Variants in CACNA1B observed in about 807,000 individuals in gnomAD.
CACNA1B encodes calcium voltage-gated channel subunit alpha1 B.
Under a neutral mutation model 247.2 loss-of-function variants are expected in CACNA1B, and 70 were observed. That is an observed-to-expected ratio of 0.28 (90% CI 0.23 to 0.35). The LOEUF (loss-of-function observed/expected upper bound fraction) is 0.35. Among genes scored for constraint, CACNA1B ranks in the 10% least tolerant of loss-of-function variants. The pLI is 1.00. For synonymous variants in CACNA1B, 1,231 were observed against 1,294.4 expected, an observed-to-expected ratio of 0.95 and a Z score of 1.05; for missense variants, 2,367 against 3,197.4, an observed-to-expected ratio of 0.74 and a Z score of 6.26.
chr9:138,069,990 G>C (rs923067803), intron 32 of CACNA1B, among the ~76,000 whole-genome samples: 2 of 152,208 alleles, frequency 1.3e-5, no homozygotes, highest in African/African-American at 2.4e-5. Flanking sequence ...GGAACTGGCC[G>C]TGGGCAGGGC....
At chr9:138,022,966 G>A (rs1205497124) in intron 18 of CACNA1B, 45 bp from the exon 19 acceptor site, 2 of 1,450,524 alleles carry the variant, frequency 1.4e-6, no homozygotes, top group Non-Finnish European at 1.8e-6. Context: ...GAGAGCGGCG[G>A]GCGGGCGGCA....
intron 8 of CACNA1B, 72 bp from the exon 9 acceptor site, chr9:137,956,697 CAG>C (rs1156798617): frequency 2.5e-6 from 3 of 1,221,536 alleles, no homozygotes; most frequent in African/African-American, 1.5e-5. Context: ...GCCTTCCAGA[CAG>C]AGATGTGCCT....
At chr9:137,934,471 G>A (rs1229015416) in intron 6 of CACNA1B, among the ~76,000 whole-genome samples, 2 of 152,248 alleles carry the variant, frequency 1.3e-5, no homozygotes, top group African/African-American at 4.8e-5. Context: ...AGAGCAGCCT[G>A]TGGAGGATTG....
Position 137,882,553 on chromosome 9 carries a change from C to A in CACNA1B, c.391-191C>A, listed in dbSNP as rs1956939020. Among the ~76,000 whole-genome samples, 1 of 152,158 alleles carries A rather than the reference C, an allele frequency of 6.6e-6. No individual in the cohort carries two copies. Among genetic ancestry groups the A allele is most frequent in the Admixed American group, 6.5e-5 (1 of 15,284 alleles). On this transcript the variant is annotated intron_variant, in intron 2 of 46. Transcript: ENST00000371372. The surrounding 1 kb of genome is among the most constrained non-coding windows in gnomAD (Gnocchi z 4.0). Reference sequence around the variant, plus strand: ...GTCCCCATTAGGGGACATGTGCAGACAGCAAGCAGGCTCAGTGATGGGAAT... The same window carrying A: ...GTCCCCATTAGGGGACATGTGCAGAAAGCAAGCAGGCTCAGTGATGGGAAT...
intron 20 of CACNA1B, among the ~76,000 whole-genome samples, chr9:138,042,405 G>A (rs887462959): frequency 6.6e-6 from 1 of 152,108 alleles, no homozygotes; most frequent in Non-Finnish European, 1.5e-5. Flanking sequence ...TGGTACCACT[G>A]TACTTCAGCC....
At position 137,955,604 on chromosome 9, in the gene CACNA1B, T is replaced by C; in HGVS notation, c.1071-94T>C. The C allele has an allele frequency of 1.2e-6, 1 of 821,826 alleles. No individual in the cohort carries two copies. The highest frequency in any genetic ancestry group is 2.0e-6 in the Non-Finnish European group (1 of 509,382). 50.9% of individuals were successfully genotyped at this position (821,826 alleles called of 1,614,324 possible). On this transcript the variant is annotated intron_variant, in intron 7 of 46. Coordinates refer to ENST00000371372, the MANE Select transcript of CACNA1B (RefSeq NM_000718.4). The surrounding 1 kb of genome is among the most constrained non-coding windows in gnomAD (Gnocchi z 6.9). ...AGCAGCCTGCAGCCTGCGTCTCCTG[T>C]CCCAGGCTTTCCCTGGTCCTTTTTG...
At chr9:138,056,421 T>TA (rs1281332194) in intron 26 of CACNA1B, among the ~76,000 whole-genome samples, 2 of 152,254 alleles carry the variant, frequency 1.3e-5, no homozygotes, top group Non-Finnish European at 2.9e-5. Context: ...TGTTCCTTGT[T>TA]ACGGCTGAAT....
At chr9:137,894,683 C>T (rs1310843828) in intron 3 of CACNA1B, among the ~76,000 whole-genome samples, 1 of 152,194 alleles carries the variant, frequency 6.6e-6, no homozygotes, top group Non-Finnish European at 1.5e-5. Flanking sequence ...GCTGGGATTA[C>T]AGGCATGAGC....
In CACNA1B at chr9:137,880,721, C is replaced by A. The variant is rs1396977903; in HGVS notation, c.390+1562C>A. ...GCCTAGAGGTCTGGGGAGCTCTTGACCAGTCCCAGTCCCATGTGCAGGCCC... is the reference window on the plus strand; with the variant it reads ...GCCTAGAGGTCTGGGGAGCTCTTGAACAGTCCCAGTCCCATGTGCAGGCCC... On this transcript the variant is annotated intron_variant, in intron 2 of 46. Coordinates refer to ENST00000371372, the MANE Select transcript of CACNA1B (RefSeq NM_000718.4). This position sits in a 1 kb window ranked among gnomAD's most constrained non-coding sequence, Gnocchi z 4.8. Among the ~76,000 whole-genome samples the A allele has an allele frequency of 6.6e-6, 1 of 152,168 alleles. No individual in the cohort carries two copies. The highest frequency in any genetic ancestry group is 1.5e-5 in the Non-Finnish European group (1 of 68,012).
At chr9:137,929,953 TAA>T (rs1401902570) in intron 6 of CACNA1B, among the ~76,000 whole-genome samples, 1 of 152,140 alleles carries the variant, frequency 6.6e-6, no homozygotes, top group African/African-American at 2.4e-5. Flanking sequence ...CATGCCTGGC[TAA>T]GTTTTTAAAA....
In CACNA1B at chr9:137,954,856, T is replaced by TTGTGTGTGTGTG. The variant is rs150496046; in HGVS notation, c.1071-829_1071-818dup. On this transcript the variant is annotated intron_variant, in intron 7 of 46. Coordinates refer to ENST00000371372, the MANE Select transcript of CACNA1B (RefSeq NM_000718.4). The surrounding 1 kb of genome is among the most constrained non-coding windows in gnomAD (Gnocchi z 4.1). ...ACACCCACTCCACCAACTCAGAAGC[T>TTGTGTGTGTGTG]TGTGTGTGTGTGTGTGTGTGTGTGA... Among the ~76,000 whole-genome samples the TTGTGTGTGTGTG allele has an allele frequency of 0.015, 1,795 of 120,832 alleles. 34 individuals are homozygous for TTGTGTGTGTGTG. Among genetic ancestry groups the TTGTGTGTGTGTG allele is most frequent in the African/African-American group, 0.043 (1,079 of 25,276 alleles). 79.3% of individuals were successfully genotyped at this position (120,832 alleles called of 152,430 possible).
chr9:137,880,980 C>G lies in CACNA1B; in HGVS notation c.391-1764C>G, dbSNP rs961932266. 6.6e-6 allele frequency among the ~76,000 whole-genome samples: 1 copy of G among 152,218 alleles called. No individual in the cohort carries two copies. The highest frequency in any genetic ancestry group is 2.4e-5 in the African/African-American group (1 of 41,466). On this transcript the variant is annotated intron_variant, in intron 2 of 46. Coordinates refer to ENST00000371372, the MANE Select transcript of CACNA1B (RefSeq NM_000718.4). This position sits in a 1 kb window ranked among gnomAD's most constrained non-coding sequence, Gnocchi z 4.8. Reference sequence around the variant, plus strand: ...CCAAGCTGCCTGCACACCCATCCCTCCCACCTAAGCCAGCCTTCAGCCATG... The same window carrying G: ...CCAAGCTGCCTGCACACCCATCCCTGCCACCTAAGCCAGCCTTCAGCCATG...
At chr9:137,932,223 G>A (rs775725331) in intron 6 of CACNA1B, among the ~76,000 whole-genome samples, 1 of 152,142 alleles carries the variant, frequency 6.6e-6, no homozygotes, top group African/African-American at 2.4e-5. Context: ...TTGCAAGCCT[G>A]CTAACTCCCG....
At chr9:138,081,256 A>T (rs1960515135) in intron 36 of CACNA1B, among the ~76,000 whole-genome samples, 1 of 152,194 alleles carries the variant, frequency 6.6e-6, no homozygotes, top group South Asian at 2.1e-4. Context: ...GAGTCGAGGA[A>T]TCCTTGGGTT....
In CACNA1B at chr9:137,913,439, C is replaced by T. The variant is rs1194457976; in HGVS notation, c.622+168C>T. Among the ~76,000 whole-genome samples, 1 of 152,164 alleles carries T rather than the reference C, an allele frequency of 6.6e-6. No individual in the cohort carries two copies. Among genetic ancestry groups the T allele is most frequent in the Non-Finnish European group, 1.5e-5 (1 of 68,018 alleles). On this transcript the variant is annotated intron_variant, in intron 4 of 46. Transcript: ENST00000371372. This position sits in a 1 kb window ranked among gnomAD's most constrained non-coding sequence, Gnocchi z 5.2. Reference sequence around the variant, plus strand: ...AAGGGAGGAGCAGGCCTTTTTTGGCCTGTCACACCCTCCATGAAAGCCCAC... The same window carrying T: ...AAGGGAGGAGCAGGCCTTTTTTGGCTTGTCACACCCTCCATGAAAGCCCAC...
intron 3 of CACNA1B, among the ~76,000 whole-genome samples, chr9:137,905,292 G>A (rs1256222636): frequency 1.3e-5 from 2 of 151,526 alleles, no homozygotes; most frequent in African/African-American, 4.9e-5. Flanking sequence ...GGCGGAGCTT[G>A]CAGTGAGCCG....
intron 6 of CACNA1B, among the ~76,000 whole-genome samples, chr9:137,948,094 C>T (rs1229309943): frequency 6.6e-6 from 1 of 150,418 alleles, no homozygotes; most frequent in African/African-American, 2.5e-5. Context: ...GATTTTCCTG[C>T]CTCAGGCTGT....
intron 46 of CACNA1B, 67 bp downstream of exon 46, chr9:138,120,948 A>G (rs1164869847): frequency 6.7e-7 from 1 of 1,495,014 alleles, no homozygotes; most frequent in Non-Finnish European, 8.9e-7. Flanking sequence ...CCTGTCCCAC[A>G]GGCTCCTGCC....
intron 3 of CACNA1B, among the ~76,000 whole-genome samples, chr9:137,909,191 T>C (rs2133271345): frequency 6.6e-6 from 1 of 152,146 alleles, no homozygotes; most frequent in East Asian, 1.9e-4. Flanking sequence ...GGTTTCTCCA[T>C]GTTGGTCAGG....
Sources: gnomAD v4.1 joint callset for allele counts (sites outside exome capture counted in the v4.1 genomes callset) on GRCh38, gnomAD v4.1.1 for gene constraint, Gnocchi (gnomAD v3.1) non-coding constraint, MANE v1.5 for transcripts, NCBI Gene and HGNC (gene_info 2026-07-23, HGNC 2026-07-21) for gene names.